Variants in MPDZ observed in about 807,000 individuals in gnomAD.
The protein encoded by MPDZ is multiple PDZ domain crumbs cell polarity complex component, also known as multiple PDZ domain protein.
Under a neutral mutation model 239.1 loss-of-function variants are expected in MPDZ, and 234 were observed. The observed-to-expected ratio is 0.98, with a 90% CI of 0.88 to 1.09. MPDZ has a LOEUF of 1.09. MPDZ is among the 50% of genes least tolerant of loss of function. The pLI is 0.00. For synonymous variants in MPDZ, 1,048 were observed against 881.3 expected (o/e 1.19, Z -3.35); for missense variants, 3,175 against 2,510.0 (o/e 1.26, Z -5.66).
At chr9:13,252,956 T>C (rs1257644503) in intron 1 of MPDZ, among the ~76,000 whole-genome samples, 1 of 152,184 alleles carries the variant, frequency 6.6e-6, no homozygotes, top group Non-Finnish European at 1.5e-5. Flanking sequence ...TATTTATAAA[T>C]GAATGATGTT....
At chr9:13,258,450 A>T (rs72706388) in intron 1 of MPDZ, among the ~76,000 whole-genome samples, 5,111 of 152,320 alleles carry the variant, frequency 0.034, 117 homozygotes, top group Middle Eastern at 0.065. Flanking sequence ...TTGCATTTAA[A>T]TTTACCATTT....
At chr9:13,194,701 TTAAAAG>T (rs1222971321) in intron 13 of MPDZ, among the ~76,000 whole-genome samples, 3 of 151,956 alleles carry the variant, frequency 2.0e-5, no homozygotes, top group East Asian at 1.9e-4. Flanking sequence ...ATCCTAGAAC[TTAAAAG>T]TAAAATTTAA....
intron 3 of MPDZ, among the ~76,000 whole-genome samples, chr9:13,226,219 C>A (rs932167874): frequency 2.0e-5 from 3 of 152,064 alleles, no homozygotes; most frequent in Non-Finnish European, 4.4e-5. Context: ...ACACACGTAA[C>A]AACAACGGAA....
chr9:13,261,218 T>C (rs184873780), intron 1 of MPDZ, among the ~76,000 whole-genome samples: 6 of 152,252 alleles, frequency 3.9e-5, no homozygotes, highest in Admixed American at 3.3e-4. Context: ...AGTCAGTTGA[T>C]AGAGACAGAA....
intron 46 of MPDZ, among the ~76,000 whole-genome samples, chr9:13,107,370 G>C (rs776170771): frequency 2.6e-5 from 4 of 152,184 alleles, no homozygotes; most frequent in Non-Finnish European, 5.9e-5. Flanking sequence ...GTTTTTGGCT[G>C]TTCAGCACAG....
rs1942953687 is a variant in MPDZ at position 13,114,031 on chromosome 9, TACA to T, written c.5467-13_5467-11del. ...GGCTGCCTTCACTCACCTACAAATATACAACAATTATTTCAGAAGGTTTTGCAA... is the reference window on the plus strand; with the variant it reads ...GGCTGCCTTCACTCACCTACAAATATACAATTATTTCAGAAGGTTTTGCAA... On this transcript the variant is annotated splice_polypyrimidine_tract_variant and intron_variant, in intron 40 of 46. Coordinates refer to ENST00000319217, the MANE Select transcript of MPDZ (RefSeq NM_001378778.1). 1.9e-6 allele frequency: 3 copies of T among 1,574,256 alleles called. No individual in the cohort carries two copies. Among genetic ancestry groups the T allele is most frequent in the Non-Finnish European group, 2.6e-6 (3 of 1,157,082 alleles).
At position 13,263,275 on chromosome 9, in the gene MPDZ, A is replaced by C. The variant is rs766548614; in HGVS notation, c.-57-12903T>G. Among the ~76,000 whole-genome samples, 13 of 152,180 alleles carry C rather than the reference A, an allele frequency of 8.5e-5. No homozygotes were observed. In the East Asian group the frequency reaches 2.5e-3, roughly 29 times the overall value. ...TTATGTACATTTGAAATTTTTCATA[A>C]TAACTATTACAAAAATAAGGCAGCC... On this transcript the variant is annotated intron_variant, in intron 1 of 46. Coordinates refer to ENST00000319217, the MANE Select transcript of MPDZ (RefSeq NM_001378778.1).
chr9:13,211,228 T>G (rs1325590994), intron 10 of MPDZ, among the ~76,000 whole-genome samples: 1 of 152,122 alleles, frequency 6.6e-6, no homozygotes, highest in Non-Finnish European at 1.5e-5. Flanking sequence ...CCCCAAGACA[T>G]GAAGACTTGC....
chr9:13,229,109 T>C (rs988427160), intron 3 of MPDZ, among the ~76,000 whole-genome samples: 3 of 152,280 alleles, frequency 2.0e-5, no homozygotes, highest in South Asian at 2.1e-4. Flanking sequence ...TTTAGTTCTA[T>C]ATACAATGAA....
intron 23 of MPDZ, 82 bp downstream of exon 23, chr9:13,162,609 T>G (rs979274794): frequency 8.1e-5 from 63 of 780,002 alleles, no homozygotes; most frequent in Non-Finnish European, 1.3e-4. Flanking sequence ...TTTTCTTTGC[T>G]CTAGTCCTCC....
chr9:13,133,724 A>C lies in MPDZ; in HGVS notation c.4464+100T>G, dbSNP rs1587075265. ...TCTAACAAAACCTCAGATGATGCTG[A>C]TGCTGTTAATCTGGAGACCACACTT... On this transcript the variant is annotated intron_variant, in intron 32 of 46. Coordinates refer to ENST00000319217, the MANE Select transcript of MPDZ (RefSeq NM_001378778.1). 11 of 762,290 alleles carry C rather than the reference A, an allele frequency of 1.4e-5. No individual in the cohort carries two copies. The East Asian group carries it at 3.3e-4, about 23-fold the overall frequency. The allele number at this position is 762,290 out of a possible 1,614,324, so 47.2% of individuals were successfully genotyped here.
chr9:13,188,898 T>C lies in MPDZ; in HGVS notation c.2250A>G (p.Arg750=). The change falls in exon 17 of 47, where the codon CGA becomes CGG. Residue 750 remains arginine (R), a synonymous_variant. Coordinates refer to ENST00000319217, the MANE Select transcript of MPDZ (RefSeq NM_001378778.1). Reference sequence around the variant, plus strand: ...AGTTAACATCGTTTACAAACATGAGTCGGTCACCAGGAAGAAGTCGTCCAT... The same window carrying C: ...AGTTAACATCGTTTACAAACATGAGCCGGTCACCAGGAAGAAGTCGTCCAT... The part of the protein sequence containing the change: ...EKDGRLLPGD[R]LMFVNDVNLE... 1 of 1,613,490 alleles carries C rather than the reference T, an allele frequency of 6.2e-7. No individual in the cohort carries two copies. Among genetic ancestry groups the C allele is most frequent in the Non-Finnish European group, 8.5e-7 (1 of 1,179,590 alleles).
rs1008874308 is a variant in MPDZ, at chr9:13,266,674, T to C, written c.-58+12726A>G. On this transcript the variant is annotated intron_variant, in intron 1 of 46. Coordinates refer to ENST00000319217, the MANE Select transcript of MPDZ (RefSeq NM_001378778.1). The stretch of plus-strand genomic sequence containing the variant: ...GAGAGTCAAAGAAAATACTATAACT[T>C]TTCCAAGGCTCCCTAACTCAGACCT... Among the ~76,000 whole-genome samples the C allele has an allele frequency of 3.9e-5, 6 of 152,298 alleles. No homozygotes were observed. In the East Asian group the frequency reaches 5.8e-4, roughly 15 times the overall value.
chr9:13,247,612 T>G, intron 3 of MPDZ, 23 bp downstream of exon 3: 1 of 1,597,518 alleles, frequency 6.3e-7, no homozygotes, highest in East Asian at 2.2e-5. Context: ...CGTGAATGCC[T>G]GCTTGGGTGA....
At chr9:13,156,850 C>G (rs1421105207) in intron 24 of MPDZ, among the ~76,000 whole-genome samples, 1 of 152,068 alleles carries the variant, frequency 6.6e-6, no homozygotes, top group East Asian at 1.9e-4. Flanking sequence ...ATAAATAAGA[C>G]ACTTAACACC....
At chr9:13,269,728 T>TA (rs1972544355) in intron 1 of MPDZ, among the ~76,000 whole-genome samples, 1 of 152,210 alleles carries the variant, frequency 6.6e-6, no homozygotes, top group Non-Finnish European at 1.5e-5. Context: ...AAAGAGATGT[T>TA]ACTGTCTAAA....
chr9:13,183,414 G>A lies in MPDZ; in HGVS notation c.2649+4C>T, dbSNP rs1953644225. ...TAAAAGAAAAATTGGCTTTTCCTTT[G>A]TACCTTAGGAGGAGATGATGGAAGG... On this transcript the variant is annotated splice_donor_region_variant and intron_variant, in intron 19 of 46. Coordinates refer to ENST00000319217, the MANE Select transcript of MPDZ (RefSeq NM_001378778.1). 6.3e-7 allele frequency: 1 copy of A among 1,595,514 alleles called. No homozygotes were observed. Among genetic ancestry groups the A allele is most frequent in the Non-Finnish European group, 8.5e-7 (1 of 1,173,918 alleles).
Position 13,117,947 on chromosome 9 carries a change from C to T in MPDZ, c.5379+1555G>A, listed in dbSNP as rs372876195. 8.0e-5 allele frequency among the ~76,000 whole-genome samples: 12 copies of T among 150,472 alleles called. No homozygotes were observed. The East Asian group carries it at 2.2e-3, about 27-fold the overall frequency. Reference sequence around the variant, plus strand: ...GCAACCTCTGCCTCCCGGGTTCAGGCGATTCTCCTGCCTCAGCCTCCTGAG... The same window carrying T: ...GCAACCTCTGCCTCCCGGGTTCAGGTGATTCTCCTGCCTCAGCCTCCTGAG... On this transcript the variant is annotated intron_variant, in intron 39 of 46. Coordinates refer to ENST00000319217, the MANE Select transcript of MPDZ (RefSeq NM_001378778.1).
chr9:13,228,225 G>C (rs1425605281), intron 3 of MPDZ, among the ~76,000 whole-genome samples: 1 of 152,092 alleles, frequency 6.6e-6, no homozygotes, highest in Non-Finnish European at 1.5e-5. Flanking sequence ...TTCTGTTTAA[G>C]TTCTGGCTGA....
Sources: gnomAD v4.1 joint callset for allele counts (sites outside exome capture counted in the v4.1 genomes callset) on GRCh38, gnomAD v4.1.1 for gene constraint, MANE v1.5 for transcripts, NCBI Gene and HGNC (gene_info 2026-07-23, HGNC 2026-07-21) for gene names.